TRERF1: variants seen among roughly 807,000 people sequenced by gnomAD.
The protein encoded by TRERF1 is transcriptional regulating factor 1, also known as transcriptional-regulating factor 1.
Under a neutral mutation model 122.9 loss-of-function variants are expected in TRERF1, and 27 were observed. That is an observed-to-expected ratio of 0.22 (90% confidence interval 0.16 to 0.30). The LOEUF (loss-of-function observed/expected upper bound fraction) is 0.30. Ranked by LOEUF, TRERF1 falls within the 10% of genes least tolerant of loss-of-function variation. The pLI, the probability that TRERF1 is intolerant of heterozygous loss-of-function variation, is 1.00. For synonymous variants in TRERF1, 636 were observed against 641.7 expected, an observed-to-expected ratio of 0.99 and a Z score of 0.13; for missense variants, 1,248 against 1,560.3, an observed-to-expected ratio of 0.80 and a Z score of 3.37.
At chr6:42,390,106 A>G (rs2151234326) in intron 2 of TRERF1, among the ~76,000 whole-genome samples, 1 of 152,374 alleles carries the variant, frequency 6.6e-6, no homozygotes, top group East Asian at 1.9e-4. Context: ...CGGAGGTAGA[A>G]GCAGAGAAAG....
chr6:42,413,749 G>A (rs1781452696), intron 2 of TRERF1, among the ~76,000 whole-genome samples: 1 of 152,142 alleles, frequency 6.6e-6, no homozygotes, highest in African/African-American at 2.4e-5. Flanking sequence ...TTTAACAAGA[G>A]CTCTAGACCC....
intron 2 of TRERF1, among the ~76,000 whole-genome samples, chr6:42,409,512 C>T (rs1780802691): frequency 6.6e-6 from 1 of 152,092 alleles, no homozygotes; most frequent in Non-Finnish European, 1.5e-5. Context: ...TGAAGTATTT[C>T]ACTGGAATTT....
At chr6:42,365,625 G>A (rs1226099366) in intron 2 of TRERF1, among the ~76,000 whole-genome samples, 1 of 152,168 alleles carries the variant, frequency 6.6e-6, no homozygotes, top group East Asian at 1.9e-4. Context: ...TCTATCTATA[G>A]ATGACAAAAC....
chr6:42,427,033 A>G (rs772209069), intron 2 of TRERF1, among the ~76,000 whole-genome samples: 1 of 151,778 alleles, frequency 6.6e-6, no homozygotes, highest in African/African-American at 2.4e-5. Context: ...CACGCCTATA[A>G]TCCTATAATC....
rs1439684650 is a variant in TRERF1, at chr6:42,436,811, AAAAATATATATAT to A, written c.-454+14353_-454+14365del. On this transcript the variant is annotated intron_variant, in intron 2 of 17. Coordinates refer to ENST00000372922, the Ensembl canonical transcript of TRERF1. ...GCAATCTCCCTCTACAAAAAAAAAA[AAAAATATATATAT>A]ATATATATATATATATATATATATG... 3.6e-5 allele frequency among the ~76,000 whole-genome samples: 4 copies of A among 111,554 alleles called. No homozygotes were observed. In the East Asian group the frequency reaches 8.3e-4, roughly 23 times the overall value. The allele number at this position is 111,554 out of a possible 152,430, so 73.2% of individuals were successfully genotyped here.
chr6:42,389,223 G>A (rs1466424338), intron 2 of TRERF1, among the ~76,000 whole-genome samples: 1 of 152,240 alleles, frequency 6.6e-6, no homozygotes, highest in East Asian at 1.9e-4. Context: ...CAGGCAAGAA[G>A]CGAGGTACCT....
chr6:42,451,830 T>C (rs948666006), intron 1 of TRERF1, among the ~76,000 whole-genome samples: 14 of 152,056 alleles, frequency 9.2e-5, no homozygotes, highest in African/African-American at 3.4e-4. Context: ...CAGTGGAAAT[T>C]TGCAGCGCCG....
intron 2 of TRERF1, among the ~76,000 whole-genome samples, chr6:42,383,351 G>A (rs1260840004): frequency 6.6e-6 from 1 of 152,116 alleles, no homozygotes; most frequent in Admixed American, 6.6e-5. Flanking sequence ...AAAATCTCCA[G>A]TGTCACTATC....
intron 2 of TRERF1, among the ~76,000 whole-genome samples, chr6:42,418,046 C>T (rs1782102432): frequency 6.6e-6 from 1 of 152,076 alleles, no homozygotes; most frequent in African/African-American, 2.4e-5. Context: ...AATCTCTAAC[C>T]TCAGGGGGCA....
At chr6:42,316,763 T>A (rs1361565729) in intron 3 of TRERF1, among the ~76,000 whole-genome samples, 1 of 152,192 alleles carries the variant, frequency 6.6e-6, no homozygotes, top group African/African-American at 2.4e-5. Flanking sequence ...ATTAGGATTA[T>A]GGGAGGGGCC....
rs371423464 is a variant in TRERF1 at position 42,263,300 on chromosome 6, G to T, written c.1884+20C>A. The T allele has an allele frequency of 9.4e-6, 15 of 1,602,598 alleles. No homozygotes were observed. The highest frequency in any genetic ancestry group is 1.3e-5 in the Non-Finnish European group (15 of 1,173,990). Reference sequence around the variant, plus strand: ...GGCAGCCCCTTGGGGTGAGTGTGGGGGAGAGAGGGTCATCCTCACGAGCAC... The same window carrying T: ...GGCAGCCCCTTGGGGTGAGTGTGGGTGAGAGAGGGTCATCCTCACGAGCAC... On this transcript the variant is annotated intron_variant, in intron 8 of 17. Transcript: ENST00000372922. The surrounding 1 kb of genome is among the most constrained non-coding windows in gnomAD (Gnocchi z 5.6).
chr6:42,230,840 A>C (rs1176096874), intron 17 of TRERF1, among the ~76,000 whole-genome samples: 1 of 152,138 alleles, frequency 6.6e-6, no homozygotes, highest in Non-Finnish European at 1.5e-5. Flanking sequence ...GGGCTTAATC[A>C]GACGCAGCAT....
At chr6:42,248,052 C>T (rs1165286931) in intron 13 of TRERF1, among the ~76,000 whole-genome samples, 1 of 152,154 alleles carries the variant, frequency 6.6e-6, no homozygotes, top group African/African-American at 2.4e-5. Flanking sequence ...TACAGGAAAC[C>T]CTAATCGCCT....
chr6:42,314,060 G>A (rs911301467), intron 3 of TRERF1, among the ~76,000 whole-genome samples: 17 of 151,552 alleles, frequency 1.1e-4, no homozygotes, highest in African/African-American at 3.9e-4. Context: ...TTTTTTTTGT[G>A]CTTATCAGGC....
At chr6:42,307,519 G>T (rs1787482788) in intron 3 of TRERF1, among the ~76,000 whole-genome samples, 1 of 152,008 alleles carries the variant, frequency 6.6e-6, no homozygotes, top group Non-Finnish European at 1.5e-5. Context: ...TATTGGAACG[G>T]GCCCTCCAGG....
intron 3 of TRERF1, among the ~76,000 whole-genome samples, chr6:42,310,714 A>G (rs1561962334): frequency 6.6e-6 from 1 of 152,222 alleles, no homozygotes; most frequent in Non-Finnish European, 1.5e-5. Flanking sequence ...AACTGGTAGC[A>G]GGAGGCTAAG....
intron 3 of TRERF1, among the ~76,000 whole-genome samples, chr6:42,360,123 A>G (rs1481281550): frequency 6.6e-6 from 1 of 152,272 alleles, no homozygotes; most frequent in African/African-American, 2.4e-5. Flanking sequence ...ATTTGGCAAT[A>G]TATGACACTA....
At chr6:42,249,071 A>G (rs955922551) in intron 13 of TRERF1, among the ~76,000 whole-genome samples, 2 of 152,206 alleles carry the variant, frequency 1.3e-5, no homozygotes, top group East Asian at 1.9e-4. Context: ...GAAGACCACA[A>G]TGGCGGTCTG....
At chr6:42,234,093 C>T (rs11965351) in intron 16 of TRERF1, among the ~76,000 whole-genome samples, 4,247 of 152,190 alleles carry the variant, frequency 0.028, 204 homozygotes, top group African/African-American at 0.096. Context: ...CAGATGCTAG[C>T]AGCACCTCCG....
Sources: gnomAD v4.1 joint callset for allele counts (sites outside exome capture counted in the v4.1 genomes callset) on GRCh38, gnomAD v4.1.1 for gene constraint, Gnocchi (gnomAD v3.1) non-coding constraint, MANE v1.5 for transcripts, NCBI Gene and HGNC (gene_info 2026-07-23, HGNC 2026-07-21) for gene names.